VRK3: variants seen among roughly 807,000 people sequenced by gnomAD.
VRK3 encodes the protein serine/threonine-protein kinase VRK3.
VRK3 carries 50 observed loss-of-function variants against 60.4 expected under a neutral mutation model. That is an observed-to-expected ratio of 0.83 (90% CI 0.66 to 1.05). VRK3 has a LOEUF of 1.05. Among genes scored for constraint, VRK3 ranks in the 50% least tolerant of loss-of-function variants. VRK3 has a pLI of 0.00. For synonymous variants in VRK3, 246 were observed against 227.8 expected (o/e 1.08, Z -0.72); for missense variants, 549 against 585.3 (o/e 0.94, Z 0.64).
intron 3 of VRK3, among the ~76,000 whole-genome samples, chr19:50,012,907 C>T (rs550072188): frequency 1.3e-5 from 2 of 151,572 alleles, no homozygotes; most frequent in South Asian, 2.1e-4. Flanking sequence ...GTGGCTCACA[C>T]CTATAATCCC....
At chr19:50,022,537 G>C (rs1462496843) in intron 1 of VRK3, among the ~76,000 whole-genome samples, 1 of 152,088 alleles carries the variant, frequency 6.6e-6, no homozygotes, top group East Asian at 1.9e-4. Flanking sequence ...TGTGATCCCA[G>C]CACTTTGGGA....
intron 2 of VRK3, among the ~76,000 whole-genome samples, chr19:50,017,317 G>C (rs2077094706): frequency 6.6e-6 from 1 of 152,118 alleles, no homozygotes; most frequent in African/African-American, 2.4e-5. Flanking sequence ...GCTCGTGCCT[G>C]TAATCCCAGC....
intron 14 of VRK3, among the ~76,000 whole-genome samples, chr19:49,977,877 C>T (rs891518250): frequency 6.6e-6 from 1 of 152,164 alleles, no homozygotes; most frequent in South Asian, 2.1e-4. Flanking sequence ...GAGTCCCCAC[C>T]CCTCACCACT....
intron 7 of VRK3, among the ~76,000 whole-genome samples, chr19:49,995,990 C>T (rs919741772): frequency 3.3e-5 from 5 of 151,510 alleles, no homozygotes; most frequent in Admixed American, 2.6e-4. Context: ...GGCGTGATCT[C>T]GGCTCACTGC....
chr19:49,993,751 C>G (rs2076652772), intron 9 of VRK3, among the ~76,000 whole-genome samples: 2 of 152,036 alleles, frequency 1.3e-5, no homozygotes, highest in African/African-American at 2.4e-5. Context: ...CTGATCATAT[C>G]CCCAACCCTC....
chr19:50,014,604 C>T (rs1405711316), intron 3 of VRK3, among the ~76,000 whole-genome samples: 1 of 151,238 alleles, frequency 6.6e-6, no homozygotes, highest in Non-Finnish European at 1.5e-5. Context: ...AAAACAAAAC[C>T]TGAAGGCAGT....
chr19:50,014,813 G>A (rs1181444775), intron 3 of VRK3, among the ~76,000 whole-genome samples: 1 of 152,194 alleles, frequency 6.6e-6, no homozygotes, highest in Non-Finnish European at 1.5e-5. Context: ...GGAAGTATGA[G>A]CAGAGGAATG....
At chr19:50,016,497 C>G (rs1299724741) in intron 2 of VRK3, among the ~76,000 whole-genome samples, 2 of 152,310 alleles carry the variant, frequency 1.3e-5, no homozygotes, top group African/African-American at 4.8e-5. Flanking sequence ...CCTCCACCTG[C>G]AGGGATGGCC....
At chr19:49,980,049 C>CA (rs919843921) in intron 13 of VRK3, among the ~76,000 whole-genome samples, 4 of 150,348 alleles carry the variant, frequency 2.7e-5, no homozygotes, top group African/African-American at 7.3e-5. Flanking sequence ...GACTCCGTCT[C>CA]AAAAAAAATA....
intron 13 of VRK3, among the ~76,000 whole-genome samples, chr19:49,980,216 C>T (rs1035482852): frequency 2.0e-5 from 3 of 152,106 alleles, no homozygotes; most frequent in African/African-American, 7.2e-5. Context: ...GAAAAACAAA[C>T]ACCCCCGACA....
chr19:49,997,649 T>G, intron 6 of VRK3, 79 bp from the exon 7 acceptor site: 1 of 1,522,678 alleles, frequency 6.6e-7, no homozygotes, highest in African/African-American at 1.4e-5. Context: ...TGGCAATTTG[T>G]TACTCCCTCA....
intron 3 of VRK3, among the ~76,000 whole-genome samples, chr19:50,012,125 C>T (rs144729389): frequency 2.1e-3 from 315 of 152,294 alleles, no homozygotes; most frequent in African/African-American, 7.4e-3. Flanking sequence ...GCATGCACCA[C>T]CACGCCCAGC....
chr19:50,021,074 G>A (rs944571125), intron 1 of VRK3, among the ~76,000 whole-genome samples: 10 of 152,216 alleles, frequency 6.6e-5, no homozygotes, highest in Admixed American at 6.5e-4. Context: ...GGAAACCAGG[G>A]AGCGAGCTGT....
chr19:49,992,656 ATTTC>A lies in VRK3; in HGVS notation c.963+200_963+203del, dbSNP rs1308595995. Reference sequence around the variant, plus strand: ...TTCATATTATTTAGCTAGCCTGTGGATTTCTTTTTTTAAGAATTGCTTTTCTTAT... The same window carrying A: ...TTCATATTATTTAGCTAGCCTGTGGATTTTTTTAAGAATTGCTTTTCTTAT... On this transcript the variant is annotated intron_variant, in intron 10 of 14. Coordinates refer to ENST00000316763, the MANE Select transcript of VRK3 (RefSeq NM_016440.4). Among the ~76,000 whole-genome samples, 4 of 152,040 alleles carry A rather than the reference ATTTC, an allele frequency of 2.6e-5. No homozygotes were observed. The East Asian group carries it at 7.7e-4, about 29-fold the overall frequency.
At chr19:50,023,679 G>A (rs1256707720) in intron 1 of VRK3, among the ~76,000 whole-genome samples, 2 of 151,910 alleles carry the variant, frequency 1.3e-5, no homozygotes, top group African/African-American at 2.4e-5. Flanking sequence ...CTGGGTCTAC[G>A]TCTGCTGAGT....
intron 12 of VRK3, among the ~76,000 whole-genome samples, chr19:49,982,413 G>A (rs1195865495): frequency 6.6e-6 from 1 of 152,218 alleles, no homozygotes; most frequent in African/African-American, 2.4e-5. Flanking sequence ...AAAGTGCTGG[G>A]ATTACAGATG....
intron 14 of VRK3, among the ~76,000 whole-genome samples, chr19:49,978,016 G>A (rs994653937): frequency 6.6e-6 from 1 of 152,204 alleles, no homozygotes; most frequent in African/African-American, 2.4e-5. Flanking sequence ...CAAGAAGAAC[G>A]TCGCTGCGCC....
At chr19:50,018,937 G>GGGCGGATCACGAGGTC (rs1311132830) in intron 2 of VRK3, 1 of 151,024 alleles carries the variant, frequency 6.6e-6, no homozygotes, top group East Asian at 2.0e-4. Flanking sequence ...AGGCCGAGGC[G>GGGCGGATCACGAGGTC]GGCGGATCAC....
Position 50,002,814 on chromosome 19 carries a change from C to T in VRK3, c.548-1960G>A, listed in dbSNP as rs548303640. Among the ~76,000 whole-genome samples the T allele has an allele frequency of 5.9e-5, 9 of 152,184 alleles. No homozygotes were observed. The East Asian group carries it at 1.4e-3, about 23-fold the overall frequency. On this transcript the variant is annotated intron_variant, in intron 5 of 14. Coordinates refer to ENST00000316763, the MANE Select transcript of VRK3 (RefSeq NM_016440.4). The stretch of plus-strand genomic sequence containing the variant: ...GTGGCAGATCCAGGTTTCTGCTTGC[C>T]GGAAACCTGACAAATGGAAAGTCTC...
Sources: allele counts gnomAD v4.1 joint callset (sites outside exome capture counted in the v4.1 genomes callset), GRCh38; gene constraint gnomAD v4.1.1; transcripts MANE v1.5; gene names NCBI Gene and HGNC (gene_info 2026-07-23, HGNC 2026-07-21).